CTNNA3: variants seen among roughly 807,000 people sequenced by gnomAD.
The protein encoded by CTNNA3 is catenin alpha-3.
Under a neutral mutation model 95.7 loss-of-function variants are expected in CTNNA3, and 76 were observed. That is an observed-to-expected ratio of 0.79 (90% CI 0.66 to 0.96). CTNNA3 has a LOEUF of 0.96. Ranked by LOEUF, CTNNA3 falls within the 40% of genes least tolerant of loss-of-function variation. The pLI is 0.00. For synonymous variants in CTNNA3, 431 were observed against 374.4 expected, an observed-to-expected ratio of 1.15 and a Z score of -1.74; for missense variants, 1,191 against 1,089.8, an observed-to-expected ratio of 1.09 and a Z score of -1.31.
At chr10:67,434,379 C>G (rs539598285) in intron 5 of CTNNA3, among the ~76,000 whole-genome samples, 104 of 151,982 alleles carry the variant, frequency 6.8e-4, no homozygotes, top group Non-Finnish European at 1.2e-3. Context: ...ACTAATAATG[C>G]CATCAATAGT....
chr10:67,297,459 C>T (rs1840090455), intron 5 of CTNNA3, among the ~76,000 whole-genome samples: 1 of 152,220 alleles, frequency 6.6e-6, no homozygotes, highest in Admixed American at 6.5e-5. Flanking sequence ...TCCCTTCCCA[C>T]TGTCTTTCAC....
intron 12 of CTNNA3, among the ~76,000 whole-genome samples, chr10:66,371,905 G>GGGATAT (rs1589153714): frequency 1.3e-5 from 2 of 152,236 alleles, no homozygotes; most frequent in East Asian, 3.9e-4. Flanking sequence ...GGCAAAAGCA[G>GGGATAT]GGATATTTTA....
intron 11 of CTNNA3, among the ~76,000 whole-genome samples, chr10:66,395,576 A>G (rs2456737): frequency 0.2 from 31,076 of 151,900 alleles, 3,971 homozygotes; most frequent in African/African-American, 0.37. Context: ...CAGGAATTCA[A>G]TGTGGTTCAT....
chr10:66,737,952 C>T (rs766858650), intron 9 of CTNNA3, among the ~76,000 whole-genome samples: 2 of 152,124 alleles, frequency 1.3e-5, no homozygotes, highest in South Asian at 2.1e-4. Context: ...CCATCGCGCC[C>T]GGCCAAAATT....
At position 67,353,083 on chromosome 10, in the gene CTNNA3, C is replaced by T. The variant is rs117725294; in HGVS notation, c.580-133213G>A. The stretch of plus-strand genomic sequence containing the variant: ...TAGCTAGAAGATCTGGGCTCAGATC[C>T]TGCTTCCGCCACTTACTAGCTCTGT... On this transcript the variant is annotated intron_variant, in intron 5 of 17. Transcript: ENST00000433211. 4.6e-3 allele frequency among the ~76,000 whole-genome samples: 700 copies of T among 152,122 alleles called. 18 individuals are homozygous for T. The East Asian group carries it at 0.07, about 15-fold the overall frequency.
intron 7 of CTNNA3, among the ~76,000 whole-genome samples, chr10:66,895,559 AT>A (rs1489550634): frequency 6.6e-6 from 1 of 152,068 alleles, no homozygotes; most frequent in African/African-American, 2.4e-5. Context: ...GGAGAGAGAC[AT>A]GGTATGCTAT....
rs1862475750 is a variant in CTNNA3 at position 67,180,437 on chromosome 10, A to G, written c.927T>C (p.Ser309=). Residue 309 remains serine, a synonymous_variant, in exon 7 of 18, where the codon AGT becomes AGC. Transcript: ENST00000433211. ...SLEKRLEAII[S]GAALLADSSC... is the part of the protein sequence containing the mutation. ...AAGAATCCGCCAGCAGAGCAGCCCC[A>G]CTGATAATGGCTTCAAGGCGTTTCT... 6.2e-7 allele frequency: 1 copy of G among 1,613,784 alleles called. No homozygotes were observed. The highest frequency in any genetic ancestry group is 8.5e-7 in the Non-Finnish European group (1 of 1,179,816).
At chr10:66,795,214 T>C (rs1469945136) in intron 7 of CTNNA3, among the ~76,000 whole-genome samples, 2 of 152,146 alleles carry the variant, frequency 1.3e-5, no homozygotes, top group African/African-American at 4.8e-5. Context: ...AGAGTTATTA[T>C]CCATGGTAGT....
chr10:66,364,709 C>T (rs2132441966), intron 12 of CTNNA3, among the ~76,000 whole-genome samples: 1 of 152,240 alleles, frequency 6.6e-6, no homozygotes, highest in South Asian at 2.1e-4. Context: ...CCTCTTCTAG[C>T]ACTTACAGAT....
intron 9 of CTNNA3, among the ~76,000 whole-genome samples, chr10:66,633,120 G>A (rs886858507): frequency 6.6e-6 from 1 of 152,084 alleles, no homozygotes; most frequent in Admixed American, 6.5e-5. Context: ...TTTCACCTAC[G>A]AAAATTTAAA....
At chr10:67,043,480 G>T (rs1854535659) in intron 7 of CTNNA3, among the ~76,000 whole-genome samples, 1 of 152,084 alleles carries the variant, frequency 6.6e-6, no homozygotes, top group Non-Finnish European at 1.5e-5. Context: ...TAAGCTGCAT[G>T]TCATTTAGCT....
chr10:67,137,352 C>T (rs989368957), intron 7 of CTNNA3, among the ~76,000 whole-genome samples: 5 of 152,010 alleles, frequency 3.3e-5, no homozygotes, highest in Non-Finnish European at 4.4e-5. Flanking sequence ...TACACAGTTC[C>T]GCAAATAGAT....
intron 7 of CTNNA3, among the ~76,000 whole-genome samples, chr10:67,167,394 T>C (rs1473501920): frequency 6.6e-6 from 1 of 152,122 alleles, no homozygotes. Flanking sequence ...AGCCTAGAAA[T>C]TGCATTCTGA....
intron 3 of CTNNA3, among the ~76,000 whole-genome samples, chr10:67,571,448 AGAAATGTTAAGAAC>A: frequency 6.6e-6 from 1 of 152,232 alleles, no homozygotes. Flanking sequence ...AAGTGTTTCT[AGAAATGTTAAGAAC>A]TCTTCTGTAA....
intron 17 of CTNNA3, among the ~76,000 whole-genome samples, chr10:65,964,861 T>C (rs1353642187): frequency 3.9e-5 from 6 of 152,176 alleles, no homozygotes; most frequent in Admixed American, 1.3e-4. Flanking sequence ...AAAATATGTA[T>C]ACATATTAAT....
Position 66,340,563 on chromosome 10 carries a change from T to C in CTNNA3, c.1732+38589A>G, listed in dbSNP as rs181252107. Among the ~76,000 whole-genome samples the C allele has an allele frequency of 3.9e-4, 59 of 151,966 alleles. 1 individual carries two copies. Among genetic ancestry groups the C allele is most frequent in the African/African-American group, 1.4e-3 (58 of 41,546 alleles). On this transcript the variant is annotated intron_variant, in intron 12 of 17. Transcript: ENST00000433211. Reference sequence around the variant, plus strand: ...GAAGGAGCCTATACTATTTACATGATTCTATTCTAATAAGATTCATTACTA... The same window carrying C: ...GAAGGAGCCTATACTATTTACATGACTCTATTCTAATAAGATTCATTACTA...
intron 12 of CTNNA3, among the ~76,000 whole-genome samples, chr10:66,347,589 G>A (rs2092533592): frequency 6.6e-6 from 1 of 151,978 alleles, no homozygotes; most frequent in African/African-American, 2.4e-5. Context: ...ACTCTTGCCT[G>A]AGTGACAGAG....
At chr10:66,316,321 C>A (rs562365584) in intron 12 of CTNNA3, among the ~76,000 whole-genome samples, 1 of 152,188 alleles carries the variant, frequency 6.6e-6, no homozygotes, top group African/African-American at 2.4e-5. Context: ...ACAGGGTGGG[C>A]TCCCTGAGCA....
chr10:66,651,600 C>G (rs935342321), intron 9 of CTNNA3, among the ~76,000 whole-genome samples: 1 of 152,126 alleles, frequency 6.6e-6, no homozygotes, highest in Admixed American at 6.5e-5. Context: ...GGGTCCCAAG[C>G]CCTGCCCTGC....
Sources: allele counts gnomAD v4.1 joint callset (sites outside exome capture counted in the v4.1 genomes callset), GRCh38; gene constraint gnomAD v4.1.1; transcripts MANE v1.5; gene names NCBI Gene and HGNC (gene_info 2026-07-23, HGNC 2026-07-21).